SNX14: variants seen among roughly 807,000 people sequenced by gnomAD.
SNX14 encodes the protein sorting nexin-14.
A neutral mutation model predicts 133.8 loss-of-function variants in SNX14; 93 were observed. The ratio of observed to expected loss-of-function variants is 0.70; its 90% confidence interval spans 0.59 to 0.83. SNX14 has a LOEUF of 0.83. Ranked by LOEUF, SNX14 falls within the 40% of genes least tolerant of loss-of-function variation. SNX14 has a pLI of 0.00. For synonymous variants in SNX14, 368 were observed against 365.6 expected, an observed-to-expected ratio of 1.01 and a Z score of -0.07; for missense variants, 945 against 1,094.9, an observed-to-expected ratio of 0.86 and a Z score of 1.93.
intron 15 of SNX14, among the ~76,000 whole-genome samples, chr6:85,539,599 A>G (rs1480111405): frequency 6.6e-6 from 1 of 152,208 alleles, no homozygotes; most frequent in Non-Finnish European, 1.5e-5. Context: ...GCAAATTAAC[A>G]AAGCTATTCT....
chr6:85,573,971 A>G (rs765147914), intron 2 of SNX14, among the ~76,000 whole-genome samples: 26 of 152,194 alleles, frequency 1.7e-4, no homozygotes, highest in Non-Finnish European at 7.3e-5. Flanking sequence ...AGAGAATTGT[A>G]TACCTTAAAA....
In SNX14 at chr6:85,543,206, A is replaced by C; in HGVS notation, c.1365T>G (p.Thr455=). The C allele has an allele frequency of 6.3e-7, 1 of 1,581,866 alleles. No individual in the cohort carries two copies. The highest frequency in any genetic ancestry group is 8.6e-7 in the Non-Finnish European group (1 of 1,167,786). The change falls in exon 14 of 29, where the codon ACT becomes ACG. Residue 455 remains threonine (T), a synonymous_variant. Coordinates refer to ENST00000314673, the MANE Select transcript of SNX14 (RefSeq NM_153816.6). The stretch of plus-strand genomic sequence containing the variant: ...CCTCATCACTATGGCAGAACATAGG[A>C]GTAAATACATTCTCCAAAAGGGAAA... ...HVLSLLENVF[T]PMFCHSDEYF... is the part of the protein sequence containing the mutation.
chr6:85,517,574 A>T (rs1775458744), intron 23 of SNX14, 182 bp downstream of exon 23: 1 of 539,472 alleles, frequency 1.9e-6, no homozygotes, highest in South Asian at 7.1e-5. Flanking sequence ...TACCACATTA[A>T]AGCAAAGAAC....
rs750316646 is a variant in SNX14 at position 85,514,548 on chromosome 6, C to T, written c.2350G>A (p.Val784Met). 2 of 1,613,304 alleles carry T rather than the reference C, an allele frequency of 1.2e-6. No homozygotes were observed. Among genetic ancestry groups the T allele is most frequent in the Non-Finnish European group, 1.7e-6 (2 of 1,179,742 alleles). Reference protein sequence around the residue: ...RKQNQNYFMEVMTVEGVYDYL... With the variant: ...RKQNQNYFMEMMTVEGVYDYL... ...TCATAGACTCCTTCTACAGTCATCA[C>T]CTCCATAAAATAATTCTGATTTTGC... is the stretch of plus-strand genomic sequence containing the variant. Residue 784 changes from valine (V) to methionine (M), a missense_variant, in exon 24 of 29, where the codon GTG (valine) becomes ATG (methionine). By Grantham distance (21) the Val-to-Met change is conservative. Coordinates refer to ENST00000314673, the MANE Select transcript of SNX14 (RefSeq NM_153816.6).
intron 7 of SNX14, among the ~76,000 whole-genome samples, chr6:85,552,658 T>C (rs1164279385): frequency 6.6e-6 from 1 of 152,198 alleles, no homozygotes; most frequent in East Asian, 1.9e-4. Context: ...AAACTAAAGA[T>C]AAAATTATAA....
intron 5 of SNX14, among the ~76,000 whole-genome samples, chr6:85,566,134 G>A (rs1262002329): frequency 6.6e-6 from 1 of 152,174 alleles, no homozygotes; most frequent in Non-Finnish European, 1.5e-5. Flanking sequence ...CAACTGAGAA[G>A]AAAGTATACT....
chr6:85,511,736 TACCTGGGATAAATCCC>T (rs986416105), intron 26 of SNX14, among the ~76,000 whole-genome samples: 1 of 152,266 alleles, frequency 6.6e-6, no homozygotes, highest in African/African-American at 2.4e-5. Context: ...CAGCCTTGAA[TACCTGGGATAAATCCC>T]ACTTGGTGTA....
rs1158273561 is a variant in SNX14, at chr6:85,593,779, C to G, written c.-61G>C. The G allele has an allele frequency of 6.3e-5, 100 of 1,579,362 alleles. No homozygotes were observed. The highest frequency in any genetic ancestry group is 8.1e-5 in the Non-Finnish European group (94 of 1,166,824). Reference sequence around the variant, plus strand: ...TGAGGCAGAGGTCAAGGCGACCCCCCATCCACACCTCGCGTCCCCGCCCCA... The same window carrying G: ...TGAGGCAGAGGTCAAGGCGACCCCCGATCCACACCTCGCGTCCCCGCCCCA... On this transcript the variant is annotated 5_prime_UTR_variant, in exon 1 of 29. It removes an upstream start codon present in the reference 5' UTR. Coordinates refer to ENST00000314673, the MANE Select transcript of SNX14 (RefSeq NM_153816.6).
At chr6:85,516,632 CTTTTTT>C (rs746721196) in intron 23 of SNX14, among the ~76,000 whole-genome samples, 1 of 126,424 alleles carries the variant, frequency 7.9e-6, no homozygotes. Context: ...CTTCCTTAAT[CTTTTTT>C]TTTTTTTTTT....
chr6:85,519,336 T>C (rs1428309611), intron 21 of SNX14, among the ~76,000 whole-genome samples: 1 of 152,190 alleles, frequency 6.6e-6, no homozygotes, highest in African/African-American at 2.4e-5. Flanking sequence ...TTACATCATA[T>C]AAAATATATT....
intron 8 of SNX14, 76 bp downstream of exon 8, chr6:85,549,647 C>A: frequency 7.7e-7 from 1 of 1,304,212 alleles, no homozygotes; most frequent in Non-Finnish European, 1.0e-6. Flanking sequence ...TTAGCATATG[C>A]CTATCATAAC....
intron 6 of SNX14, among the ~76,000 whole-genome samples, chr6:85,559,080 T>C (rs1790715768): frequency 1.3e-5 from 2 of 152,152 alleles, no homozygotes; most frequent in Non-Finnish European, 2.9e-5. Flanking sequence ...ATCACAACAG[T>C]GTTAATTTTT....
At chr6:85,540,634 A>ACTTTTTTAATGC in intron 15 of SNX14, among the ~76,000 whole-genome samples, 1 of 152,348 alleles carries the variant, frequency 6.6e-6, no homozygotes, top group East Asian at 1.9e-4. Context: ...TTACATGTAT[A>ACTTTTTTAATGC]CTACTTCTAC....
At chr6:85,556,910 A>T (rs1789981639) in intron 7 of SNX14, among the ~76,000 whole-genome samples, 1 of 152,210 alleles carries the variant, frequency 6.6e-6, no homozygotes, top group Non-Finnish European at 1.5e-5. Flanking sequence ...TTTAACTTCA[A>T]ATCTACCTAT....
intron 5 of SNX14, among the ~76,000 whole-genome samples, chr6:85,565,772 A>T (rs1279577050): frequency 6.6e-6 from 1 of 152,226 alleles, no homozygotes; most frequent in Non-Finnish European, 1.5e-5. Context: ...CAATAGAATT[A>T]ATACAAAATT....
chr6:85,515,108 T>C (rs1774361454), intron 23 of SNX14, among the ~76,000 whole-genome samples: 1 of 151,154 alleles, frequency 6.6e-6, no homozygotes. Context: ...CTACTAAAAA[T>C]ACAAAAAAAT....
At chr6:85,536,994 T>A in intron 16 of SNX14, 70 bp from the exon 17 acceptor site, 1 of 1,354,804 alleles carries the variant, frequency 7.4e-7, no homozygotes, top group Non-Finnish European at 9.5e-7. Context: ...TTGAAAACCA[T>A]TATTAAAAAA....
intron 23 of SNX14, 175 bp downstream of exon 23, chr6:85,517,581 G>T (rs1775459664): frequency 3.4e-6 from 2 of 586,026 alleles, no homozygotes; most frequent in Non-Finnish European, 5.1e-6. Flanking sequence ...TTAAAGCAAA[G>T]AACCAAGTAA....
chr6:85,506,109 T>C, intron 28 of SNX14, 104 bp from the exon 29 acceptor site: 4 of 742,552 alleles, frequency 5.4e-6, no homozygotes, highest in Non-Finnish European at 4.6e-6. Flanking sequence ...GACATATATA[T>C]TGTAAACCAA....
Sources: allele counts gnomAD v4.1 joint callset (sites outside exome capture counted in the v4.1 genomes callset), GRCh38; gene constraint gnomAD v4.1.1; transcripts MANE v1.5; gene names NCBI Gene and HGNC (gene_info 2026-07-23, HGNC 2026-07-21).